The following CPAMD8 variants were observed in gnomAD, a reference collection of about 807,000 sequenced individuals.
The protein encoded by CPAMD8 is C3 and PZP-like alpha-2-macroglobulin domain-containing protein 8.
In CPAMD8, 146 loss-of-function variants were observed where a neutral mutation model predicts 224.7. That is an observed-to-expected ratio of 0.65 (90% CI 0.57 to 0.75). The LOEUF is 0.75. Among genes scored for constraint, CPAMD8 ranks in the 30% least tolerant of loss-of-function variants. CPAMD8 has a pLI of 0.00. For missense variants in CPAMD8, 2,301 were observed against 2,537.5 expected (o/e 0.91, Z 2.00); for synonymous variants, 966 against 1,044.6 (o/e 0.92, Z 1.45).
intron 27 of CPAMD8, among the ~76,000 whole-genome samples, chr19:16,919,957 G>C (rs2053105821): frequency 6.6e-6 from 1 of 152,180 alleles, no homozygotes. Context: ...TGTGTGGTAA[G>C]GAAACAGGCT....
intron 26 of CPAMD8, among the ~76,000 whole-genome samples, chr19:16,923,861 T>A (rs2099168972): frequency 6.6e-6 from 1 of 151,570 alleles, no homozygotes; most frequent in Non-Finnish European, 1.5e-5. Context: ...GAGGCTGAGG[T>A]GGGAGGCTCA....
Position 16,952,098 on chromosome 19 carries a change from G to T in CPAMD8, c.2379C>A (p.Ile793=). 6.4e-7 allele frequency: 1 copy of T among 1,555,938 alleles called. No homozygotes were observed. Among genetic ancestry groups the T allele is most frequent in the Non-Finnish European group, 8.7e-7 (1 of 1,148,572 alleles). The part of the protein sequence containing the change: ...VALSTSQGLG[I]AEPSLLKTFK... Reference sequence around the variant, plus strand: ...AGGTCTTCAGCAGGGAGGGCTCGGCGATGCCTAAGCCCTGAGAGGTGGACA... The same window carrying T: ...AGGTCTTCAGCAGGGAGGGCTCGGCTATGCCTAAGCCCTGAGAGGTGGACA... The change falls in exon 20 of 42, where the codon ATC becomes ATA. Residue 793 remains isoleucine, a synonymous_variant. Coordinates refer to ENST00000443236, the MANE Select transcript of CPAMD8 (RefSeq NM_015692.5).
intron 12 of CPAMD8, among the ~76,000 whole-genome samples, chr19:16,991,888 G>C (rs1280259044): frequency 6.6e-6 from 1 of 151,608 alleles, no homozygotes; most frequent in African/African-American, 2.4e-5. Flanking sequence ...TGGCCCAGGT[G>C]ACCAAACAGC....
chr19:16,910,151 G>A (rs1441590167), intron 29 of CPAMD8, among the ~76,000 whole-genome samples: 1 of 149,808 alleles, frequency 6.7e-6, no homozygotes, highest in East Asian at 2.0e-4. Context: ...TGTGCTTGGC[G>A]TCCAATGACA....
intron 29 of CPAMD8, among the ~76,000 whole-genome samples, chr19:16,908,800 G>A (rs139831335): frequency 2.2e-4 from 33 of 152,276 alleles, no homozygotes; most frequent in East Asian, 1.2e-3. Flanking sequence ...GGATGAACCC[G>A]GCTGACTAGC....
intron 20 of CPAMD8, 86 bp from the exon 21 acceptor site, chr19:16,947,313 C>G (rs2054138581): frequency 1.4e-6 from 2 of 1,466,462 alleles, no homozygotes; most frequent in Middle Eastern, 1.9e-4. Flanking sequence ...CCACCACTCA[C>G]TGCACACACC....
In CPAMD8 at chr19:16,993,341, C is replaced by T. The variant is rs925947302; in HGVS notation, c.1266+75G>A. ...GGGCTCCAGGCCCACTGATCAGGTGCCTGCACCCAGCCTGGGGGAGGCCCC... is the reference window on the plus strand; with the variant it reads ...GGGCTCCAGGCCCACTGATCAGGTGTCTGCACCCAGCCTGGGGGAGGCCCC... On this transcript the variant is annotated intron_variant, in intron 12 of 41. Coordinates refer to ENST00000443236, the MANE Select transcript of CPAMD8 (RefSeq NM_015692.5). 17 of 1,306,350 alleles carry T rather than the reference C, an allele frequency of 1.3e-5. No homozygotes were observed. The Admixed American group carries it at 1.8e-4, about 14-fold the overall frequency. 80.9% of individuals were successfully genotyped at this position (1,306,350 alleles called of 1,614,324 possible). A position where few individuals can be genotyped will look rare whatever the true frequency, so the allele number is the denominator to read the frequency against.
At chr19:16,953,520 C>T (rs552520375) in intron 19 of CPAMD8, among the ~76,000 whole-genome samples, 210 of 151,816 alleles carry the variant, frequency 1.4e-3, no homozygotes, top group African/African-American at 4.7e-3. Flanking sequence ...AGCAACACAG[C>T]AAGACCCTAT....
intron 18 of CPAMD8, among the ~76,000 whole-genome samples, chr19:16,966,937 C>T (rs1245854652): frequency 6.6e-6 from 1 of 152,126 alleles, no homozygotes; most frequent in Non-Finnish European, 1.5e-5. Context: ...GTGGCGATTC[C>T]TCAAGGATCT....
Position 16,928,958 on chromosome 19 carries a change from C to A in CPAMD8, c.3128G>T (p.Arg1043Leu), listed in dbSNP as rs201029210. ...DEFRTFWISW[R>L]GGLIQVGHGP... Reference sequence around the variant, plus strand: ...GCTGTATACCTGGATAAGGCCACCACGCCAGCTGATCCAGAATGTTCTGAA... The same window carrying A: ...GCTGTATACCTGGATAAGGCCACCAAGCCAGCTGATCCAGAATGTTCTGAA... The change falls in exon 24 of 42, where the codon CGT becomes CTT. Residue 1043 changes from arginine to leucine, a missense_variant. Arg to Leu is a moderately radical substitution (Grantham distance 102, BLOSUM62 -2). This residue lies in a region of CPAMD8 where 1,709 missense variants were observed against 1,753.2 expected (regional missense o/e 0.97). Coordinates refer to ENST00000443236, the MANE Select transcript of CPAMD8 (RefSeq NM_015692.5). 1.9e-6 allele frequency: 3 copies of A among 1,607,336 alleles called. No individual in the cohort carries two copies. Among genetic ancestry groups the A allele is most frequent in the East Asian group, 2.2e-5 (1 of 44,804 alleles).
chr19:16,957,761 G>T, intron 19 of CPAMD8, 92 bp downstream of exon 19: 1 of 1,175,554 alleles, frequency 8.5e-7, no homozygotes, highest in Non-Finnish European at 1.3e-6. Context: ...GTTGGTATCA[G>T]GCCTGCCCAT....
At chr19:17,026,170 C>G (rs1336616711) in intron 1 of CPAMD8, among the ~76,000 whole-genome samples, 6 of 152,218 alleles carry the variant, frequency 3.9e-5, no homozygotes. Context: ...TTCCTCCTCC[C>G]TCACCACGCC....
chr19:16,908,940 G>A (rs1325035358), intron 29 of CPAMD8, among the ~76,000 whole-genome samples: 1 of 152,136 alleles, frequency 6.6e-6, no homozygotes, highest in Non-Finnish European at 1.5e-5. Flanking sequence ...GGGTCTCAAG[G>A]ACGCTGCGGA....
intron 7 of CPAMD8, among the ~76,000 whole-genome samples, chr19:17,006,883 C>CA (rs1368748776): frequency 1.3e-5 from 2 of 152,190 alleles, no homozygotes; most frequent in Admixed American, 6.6e-5. Flanking sequence ...TGACATTATC[C>CA]AGGCTGTTTA....
At chr19:16,983,460 C>A (rs1366649327) in intron 13 of CPAMD8, among the ~76,000 whole-genome samples, 1 of 152,046 alleles carries the variant, frequency 6.6e-6, no homozygotes, top group East Asian at 1.9e-4. Context: ...ATAAATTACC[C>A]AGTCGTGGGT....
intron 23 of CPAMD8, among the ~76,000 whole-genome samples, chr19:16,932,692 A>T (rs1262293089): frequency 2.0e-5 from 3 of 152,190 alleles, no homozygotes; most frequent in Non-Finnish European, 4.4e-5. Flanking sequence ...AACATGACAA[A>T]TGGGACACTA....
intron 18 of CPAMD8, among the ~76,000 whole-genome samples, chr19:16,970,651 C>G (rs1414980757): frequency 2.0e-5 from 3 of 151,938 alleles, no homozygotes; most frequent in Non-Finnish European, 4.4e-5. Flanking sequence ...TATGAGGATA[C>G]AGCAAGAAGC....
At chr19:16,994,080 G>A (rs1026290937) in intron 11 of CPAMD8, among the ~76,000 whole-genome samples, 3 of 152,188 alleles carry the variant, frequency 2.0e-5, no homozygotes, top group African/African-American at 7.2e-5. Context: ...TCCAGCCTGA[G>A]TGACTGAATG....
chr19:16,945,777 ATG>A (rs373537612), intron 21 of CPAMD8, 98 bp from the exon 22 acceptor site: 1,271 of 1,063,724 alleles, frequency 1.2e-3, no homozygotes, highest in African/African-American at 1.5e-3. Flanking sequence ...GCATGCATGC[ATG>A]TGTGTGTGTG....
Sources: gnomAD v4.1 joint callset for allele counts (sites outside exome capture counted in the v4.1 genomes callset) on GRCh38, gnomAD v4.1.1 for gene constraint, gnomAD v4.1.1 regional missense constraint, MANE v1.5 for transcripts, NCBI Gene and HGNC (gene_info 2026-07-23, HGNC 2026-07-21) for gene names.